The following MEX3C variants were observed in gnomAD, a reference collection of about 807,000 sequenced individuals.
The protein encoded by MEX3C is RNA-binding E3 ubiquitin-protein ligase MEX3C.
A neutral mutation model predicts 35.5 loss-of-function variants in MEX3C; 15 were observed. The ratio of observed to expected loss-of-function variants is 0.42; its 90% CI spans 0.28 to 0.65. The LOEUF (loss-of-function observed/expected upper bound fraction) is 0.65, where lower values mean the gene tolerates loss of function less well. MEX3C is among the 30% of genes least tolerant of loss of function. The probability of loss-of-function intolerance (pLI) is 0.20; values close to 1 mark genes in which losing one functional copy is unlikely to be tolerated. For missense variants in MEX3C, 711 were observed against 842.8 expected, an observed-to-expected ratio of 0.84 and a Z score of 1.94; for synonymous variants, 390 against 352.8, an observed-to-expected ratio of 1.11 and a Z score of -1.18.
Position 51,196,601 on chromosome 18 carries a change from G to A in MEX3C, c.720C>T (p.Ser240=). The change falls in exon 1 of 2, where the codon AGC becomes AGT. Residue 240 remains serine, a synonymous_variant. Transcript: ENST00000406189. ...CGACGATCTCGGCGACGTGCTCGGA[G>A]CTGGGCACCGGGACGCACTCGGTGG... ...VNTTECVPVP[S]SEHVAEIVGR... 2 of 1,593,750 alleles carry A rather than the reference G, an allele frequency of 1.3e-6. No homozygotes were observed. The highest frequency in any genetic ancestry group is 1.7e-5 in the Admixed American group (1 of 58,976).
chr18:51,176,941 G>C lies in MEX3C; in HGVS notation c.1390C>G (p.Leu464Val). 1 of 1,613,988 alleles carries C rather than the reference G, an allele frequency of 6.2e-7. No individual in the cohort carries two copies. Among genetic ancestry groups the C allele is most frequent in the Non-Finnish European group, 8.5e-7 (1 of 1,179,892 alleles). ...GGGCTTGTTGGACTAAAGTCAGCCAGCCTATTGCTTCCAAAGTAGGAATCT... is the reference window on the plus strand; with the variant it reads ...GGGCTTGTTGGACTAAAGTCAGCCACCCTATTGCTTCCAAAGTAGGAATCT... Reference protein sequence around the residue: ...STDSYFGSNRLADFSPTSPFS... With the variant: ...STDSYFGSNRVADFSPTSPFS... Residue 464 changes from leucine (L) to valine (V), a missense_variant, in exon 2 of 2, where the codon CTG (leucine) becomes GTG (valine). Leu to Val is a conservative substitution (Grantham distance 32, BLOSUM62 1). Coordinates refer to ENST00000406189, the MANE Select transcript of MEX3C (RefSeq NM_016626.5).
intron 1 of MEX3C, chr18:51,193,186 G>A (rs1379221045): frequency 6.6e-6 from 1 of 152,042 alleles, no homozygotes; most frequent in Non-Finnish European, 1.5e-5. Flanking sequence ...CAGATATTGG[G>A]AGTATGCACA....
intron 1 of MEX3C, among the ~76,000 whole-genome samples, chr18:51,186,757 A>C (rs1395913925): frequency 6.7e-6 from 1 of 149,902 alleles, no homozygotes; most frequent in Non-Finnish European, 1.5e-5. Context: ...GCTATGTATG[A>C]CCACTGTTAT....
chr18:51,192,116 A>C (rs61672482), intron 1 of MEX3C, among the ~76,000 whole-genome samples: 1,701 of 152,208 alleles, frequency 0.011, 30 homozygotes, highest in African/African-American at 0.039. Context: ...TTGTTTGAAA[A>C]TTTTCTAGAT....
intron 1 of MEX3C, 135 bp downstream of exon 1, chr18:51,196,432 G>A: frequency 7.0e-7 from 1 of 1,427,396 alleles, no homozygotes; most frequent in Non-Finnish European, 9.1e-7. Flanking sequence ...TCGACCCTCG[G>A]CTCCTCCCAG....
chr18:51,179,137 G>A (rs1350025320), intron 1 of MEX3C, among the ~76,000 whole-genome samples: 1 of 151,700 alleles, frequency 6.6e-6, no homozygotes, highest in East Asian at 2.0e-4. Flanking sequence ...CCGAGTAGCT[G>A]GGACTACAGG....
At chr18:51,179,949 A>G (rs979934105) in intron 1 of MEX3C, among the ~76,000 whole-genome samples, 2 of 152,228 alleles carry the variant, frequency 1.3e-5, no homozygotes, top group African/African-American at 4.8e-5. Context: ...AGCCACAGTT[A>G]CATTCCTAAC....
At position 51,177,636 on chromosome 18, in the gene MEX3C, C is replaced by G; in HGVS notation, c.755-60G>C. On this transcript the variant is annotated intron_variant, in intron 1 of 1. Transcript: ENST00000406189. This position sits in a 1 kb window ranked among gnomAD's most constrained non-coding sequence, Gnocchi z 4.2. ...TCTACTTCAATGATATATATAAAGA[C>G]AAATCACAGAATGCACCTTTTAAGC... The G allele has an allele frequency of 6.7e-7, 1 of 1,495,386 alleles. No individual in the cohort carries two copies. Among genetic ancestry groups the G allele is most frequent in the African/African-American group, 1.4e-5 (1 of 71,408 alleles). 92.6% of individuals were successfully genotyped at this position (1,495,386 alleles called of 1,614,324 possible). A position where few individuals can be genotyped will look rare whatever the true frequency, so the allele number is the denominator to read the frequency against.
intron 1 of MEX3C, chr18:51,193,179 A>T (rs1178550164): frequency 6.6e-6 from 1 of 152,144 alleles, no homozygotes. Context: ...AAATATCCAG[A>T]TATTGGGAGT....
rs1599260714 is a variant in MEX3C, at chr18:51,197,330, G to T, written c.-10C>A. The T allele has an allele frequency of 2.2e-6, 1 of 451,362 alleles. No individual in the cohort carries two copies. Among genetic ancestry groups the T allele is most frequent in the Non-Finnish European group, 2.9e-6 (1 of 342,980 alleles). The allele number at this position is 451,362 out of a possible 1,614,324, so 28.0% of individuals were successfully genotyped here. ...AGCTGCCGCTGGGCATCGCGGCGGC[G>T]CGCTGTCAATGGCGGCGGCGGCGGC... On this transcript the variant is annotated 5_prime_UTR_variant, in exon 1 of 2. Coordinates refer to ENST00000406189, the MANE Select transcript of MEX3C (RefSeq NM_016626.5).
intron 1 of MEX3C, among the ~76,000 whole-genome samples, chr18:51,181,541 T>C (rs570426264): frequency 1.3e-5 from 2 of 152,344 alleles, no homozygotes; most frequent in Admixed American, 1.3e-4. Flanking sequence ...ACTCTCATAT[T>C]TAGCTGTGAG....
chr18:51,197,155 C>A lies in MEX3C; in HGVS notation c.166G>T (p.Gly56Cys). Residue 56 changes from glycine to cysteine, a missense_variant, in exon 1 of 2, where the codon GGC becomes TGC. Physicochemically the swap from Gly to Cys is radical, Grantham distance 159. Transcript: ENST00000406189. ...LLLRERLAAL[G>C]LDDPSPAEPG... is the part of the protein sequence containing the mutation. The stretch of plus-strand genomic sequence containing the variant: ...TCCGCCGGGCTGGGGTCGTCGAGGC[C>A]TAGCGCGGCCAAGCGCTCCCTCAGC... The A allele has an allele frequency of 9.5e-7, 1 of 1,057,080 alleles. No individual in the cohort carries two copies. The highest frequency in any genetic ancestry group is 1.1e-6 in the Non-Finnish European group (1 of 880,414). 65.5% of individuals were successfully genotyped at this position (1,057,080 alleles called of 1,614,324 possible). A position where few individuals can be genotyped will look rare whatever the true frequency, so the allele number is the denominator to read the frequency against.
intron 1 of MEX3C, among the ~76,000 whole-genome samples, chr18:51,192,303 A>G (rs1427026058): frequency 6.6e-6 from 1 of 152,090 alleles, no homozygotes; most frequent in Non-Finnish European, 1.5e-5. Flanking sequence ...TAGATTCCCC[A>G]CCCATTTGCA....
Position 51,196,471 on chromosome 18 carries a change from G to T in MEX3C, c.754+96C>A, listed in dbSNP as rs1325788953. ...CCTTCGCGGTGGACTTGGGGGCCTC[G>T]CCGGGTTCGCCTTTTCCGTCCCACG... On this transcript the variant is annotated intron_variant, in intron 1 of 1. Coordinates refer to ENST00000406189, the MANE Select transcript of MEX3C (RefSeq NM_016626.5). The T allele has an allele frequency of 2.0e-6, 3 of 1,478,582 alleles. No homozygotes were observed. In the African/African-American group the frequency reaches 4.3e-5, roughly 21 times the overall value. The allele number at this position is 1,478,582 out of a possible 1,614,324, so 91.6% of individuals were successfully genotyped here.
At chr18:51,188,476 T>C (rs1266167598) in intron 1 of MEX3C, among the ~76,000 whole-genome samples, 1 of 151,796 alleles carries the variant, frequency 6.6e-6, no homozygotes, top group Non-Finnish European at 1.5e-5. Flanking sequence ...TAGCCAGGCG[T>C]GGTGGTGTGC....
In MEX3C at chr18:51,197,314, T is replaced by A; in HGVS notation, c.7A>T (p.Ser3Cys). 2 of 523,290 alleles carry A rather than the reference T, an allele frequency of 3.8e-6. No individual in the cohort carries two copies. Among genetic ancestry groups the A allele is most frequent in the Non-Finnish European group, 4.9e-6 (2 of 409,864 alleles). 32.4% of individuals were successfully genotyped at this position (523,290 alleles called of 1,614,324 possible). The change falls in exon 1 of 2, where the codon AGC becomes TGC. Residue 3 changes from serine (S) to cysteine (C), a missense_variant. Around this residue, in one of 4 missense-constraint regions of MEX3C, gnomAD observed 354 missense variants for 311.6 expected, o/e 1.14. Transcript: ENST00000406189. ...AGGGCCAGGGCCGCGGAGCTGCCGC[T>A]GGGCATCGCGGCGGCGCGCTGTCAA... is the stretch of plus-strand genomic sequence containing the variant. The part of the protein sequence containing the change: MP[S>C]GSSAALALAA...
intron 1 of MEX3C, among the ~76,000 whole-genome samples, chr18:51,181,622 G>A (rs1912434075): frequency 6.6e-6 from 1 of 152,114 alleles, no homozygotes; most frequent in African/African-American, 2.4e-5. Flanking sequence ...CAATCTTCTT[G>A]TACAATTGAT....
chr18:51,191,170 G>GTA (rs1168407187), intron 1 of MEX3C, among the ~76,000 whole-genome samples: 6 of 152,118 alleles, frequency 3.9e-5, no homozygotes, highest in Non-Finnish European at 5.9e-5. Flanking sequence ...TTATAAAATA[G>GTA]TACTGTAGTA....
At chr18:51,181,642 A>G (rs951796198) in intron 1 of MEX3C, among the ~76,000 whole-genome samples, 2 of 152,368 alleles carry the variant, frequency 1.3e-5, no homozygotes, top group African/African-American at 4.8e-5. Flanking sequence ...TCCTGTAGAA[A>G]TATGTGCACA....
Sources: allele counts gnomAD v4.1 joint callset (sites outside exome capture counted in the v4.1 genomes callset), GRCh38; gene constraint gnomAD v4.1.1; regional missense constraint gnomAD v4.1.1; non-coding constraint Gnocchi (gnomAD v3.1); transcripts MANE v1.5; gene names NCBI Gene and HGNC (gene_info 2026-07-23, HGNC 2026-07-21).